The following PRDM5 variants were observed in gnomAD, a reference collection of about 807,000 sequenced individuals.
The protein encoded by PRDM5 is PR domain zinc finger protein 5.
In PRDM5, 56 loss-of-function variants were observed where a neutral mutation model predicts 81.2. That is an observed-to-expected ratio of 0.69 (90% confidence interval 0.56 to 0.86). The LOEUF is 0.86. Among genes scored for constraint, PRDM5 ranks in the 40% least tolerant of loss-of-function variants. The probability of loss-of-function intolerance (pLI) is 0.00; values close to 1 mark genes in which losing one functional copy is unlikely to be tolerated. For synonymous variants in PRDM5, 267 were observed against 256.4 expected (o/e 1.04, Z -0.39); for missense variants, 697 against 770.1 (o/e 0.91, Z 1.12).
intron 7 of PRDM5, 81 bp downstream of exon 7, chr4:120,816,372 C>T (rs938668231): frequency 2.5e-6 from 4 of 1,609,602 alleles, no homozygotes; most frequent in Non-Finnish European, 3.4e-6. Flanking sequence ...GCTCTCTCCT[C>T]AAGAGCGAGA....
intron 3 of PRDM5, chr4:120,839,332 A>G (rs567624265): frequency 7.1e-6 from 5 of 702,418 alleles, no homozygotes; most frequent in Non-Finnish European, 1.3e-5. Context: ...GATGAAGAGG[A>G]ACTTCATTGA....
intron 2 of PRDM5, among the ~76,000 whole-genome samples, chr4:120,887,108 G>A (rs986623358): frequency 6.6e-6 from 1 of 152,080 alleles, no homozygotes; most frequent in African/African-American, 2.4e-5. Context: ...ACCACGCCTG[G>A]CTAATTTTTG....
At chr4:120,753,666 A>C (rs1050911287) in intron 14 of PRDM5, among the ~76,000 whole-genome samples, 1 of 152,116 alleles carries the variant, frequency 6.6e-6, no homozygotes, top group Non-Finnish European at 1.5e-5. Context: ...TTTAAATTAG[A>C]ATTGTTCTAA....
At chr4:120,724,133 C>A (rs947631254) in intron 14 of PRDM5, among the ~76,000 whole-genome samples, 2 of 151,932 alleles carry the variant, frequency 1.3e-5, no homozygotes, top group African/African-American at 4.8e-5. Flanking sequence ...TTTAAGTGTT[C>A]CAAGCTCTAT....
At chr4:120,818,598 A>T in intron 4 of PRDM5, 71 bp from the exon 5 acceptor site, 1 of 1,321,146 alleles carries the variant, frequency 7.6e-7, no homozygotes, top group East Asian at 2.3e-5. Flanking sequence ...TTTTGCTCTC[A>T]TTTTAAATTA....
chr4:120,844,091 A>G (rs1200837831), intron 3 of PRDM5, among the ~76,000 whole-genome samples: 3 of 152,114 alleles, frequency 2.0e-5, no homozygotes, highest in Non-Finnish European at 4.4e-5. Flanking sequence ...GTCACTCCAC[A>G]CAGCAGGTTG....
chr4:120,695,764 C>A (rs1734452559), intron 15 of PRDM5, among the ~76,000 whole-genome samples: 1 of 152,076 alleles, frequency 6.6e-6, no homozygotes, highest in Admixed American at 6.6e-5. Flanking sequence ...CACATTCCCA[C>A]CTGGCTCAAC....
intron 13 of PRDM5, among the ~76,000 whole-genome samples, chr4:120,761,071 C>T (rs140699846): frequency 5.3e-5 from 8 of 152,292 alleles, no homozygotes; most frequent in African/African-American, 1.9e-4. Flanking sequence ...TCTTGTAGCT[C>T]TTCATCTCTG....
intron 14 of PRDM5, among the ~76,000 whole-genome samples, chr4:120,746,357 C>T (rs1196607721): frequency 6.8e-6 from 1 of 146,644 alleles, no homozygotes; most frequent in East Asian, 2.0e-4. Context: ...CATTACCATT[C>T]AGGACATAGG....
At chr4:120,697,668 CTATTTTTT>C (rs1560882710) in intron 15 of PRDM5, among the ~76,000 whole-genome samples, 46 of 42,872 alleles carry the variant, frequency 1.1e-3, no homozygotes, top group Middle Eastern at 0.026. Context: ...GCCCAGCTAA[CTATTTTTT>C]TTTTTTTTTT....
intron 8 of PRDM5, among the ~76,000 whole-genome samples, chr4:120,805,221 C>T (rs1460217467): frequency 2.0e-5 from 3 of 152,044 alleles, no homozygotes; most frequent in Admixed American, 6.5e-5. Context: ...AGCCTACCAA[C>T]CAAAAAAAGT....
At position 120,922,557 on chromosome 4, in the gene PRDM5, G is replaced by C. The variant is rs1333912400; in HGVS notation, c.52C>G (p.Gln18Glu). Residue 18 changes from glutamine to glutamate, a missense_variant, in exon 1 of 16, where the codon CAG becomes GAG. By Grantham distance (29) the Gln-to-Glu change is conservative (BLOSUM62 2). Transcript: ENST00000264808. ...GCCGTGTAGAGCCCCATGCCGTCCTGAACCCGGGAGGACTTCAGGGAGAAC... is the reference window on the plus strand; with the variant it reads ...GCCGTGTAGAGCCCCATGCCGTCCTCAACCCGGGAGGACTTCAGGGAGAAC... ...DRFSLKSSRV[Q>E]DGMGLYTARR... 6.2e-7 allele frequency: 1 copy of C among 1,611,016 alleles called. No homozygotes were observed. The highest frequency in any genetic ancestry group is 2.2e-5 in the East Asian group (1 of 44,762).
chr4:120,921,631 A>G (rs1368882448), intron 1 of PRDM5, among the ~76,000 whole-genome samples: 1 of 152,176 alleles, frequency 6.6e-6, no homozygotes, highest in East Asian at 1.9e-4. Context: ...TCCATCTTAC[A>G]AAATATCTAC....
At chr4:120,796,578 TAC>T (rs1245671369) in intron 10 of PRDM5, among the ~76,000 whole-genome samples, 3 of 152,202 alleles carry the variant, frequency 2.0e-5, no homozygotes, top group Non-Finnish European at 4.4e-5. Flanking sequence ...GATAATTTTT[TAC>T]AGTCACGTAA....
At chr4:120,906,085 C>A (rs941070734) in intron 2 of PRDM5, among the ~76,000 whole-genome samples, 1 of 152,078 alleles carries the variant, frequency 6.6e-6, no homozygotes, top group African/African-American at 2.4e-5. Context: ...AATCCTCCCA[C>A]CTCAACCTCC....
chr4:120,731,290 A>AG (rs1181385387), intron 14 of PRDM5, among the ~76,000 whole-genome samples: 2 of 151,994 alleles, frequency 1.3e-5, no homozygotes, highest in African/African-American at 2.4e-5. Context: ...AGCACAGAGA[A>AG]GGGGTCCCTC....
chr4:120,744,111 G>A (rs868411221), intron 14 of PRDM5, among the ~76,000 whole-genome samples: 3 of 152,036 alleles, frequency 2.0e-5, no homozygotes, highest in African/African-American at 7.3e-5. Context: ...AAACTAGAAC[G>A]CAGGATTAAG....
chr4:120,903,573 T>C (rs1765436849), intron 2 of PRDM5, among the ~76,000 whole-genome samples: 1 of 152,172 alleles, frequency 6.6e-6, no homozygotes, highest in Admixed American at 6.5e-5. Context: ...TCCCTTCCCC[T>C]GTCCAGCTGC....
At position 120,699,189 on chromosome 4, in the gene PRDM5, T is replaced by G. The variant is rs1305727999; in HGVS notation, c.1729-3914A>C. On this transcript the variant is annotated intron_variant, in intron 15 of 15. Coordinates refer to ENST00000264808, the MANE Select transcript of PRDM5 (RefSeq NM_018699.4). The stretch of plus-strand genomic sequence containing the variant: ...ATATATATATATATATATATATATA[T>G]ATATATATATATATATTTCAGATGT... 2.4e-5 allele frequency among the ~76,000 whole-genome samples: 3 copies of G among 122,726 alleles called. No individual in the cohort carries two copies. In the South Asian group the frequency reaches 7.6e-4, roughly 31 times the overall value. The allele number at this position is 122,726 out of a possible 152,430, so 80.5% of individuals were successfully genotyped here.
Sources: allele counts gnomAD v4.1 joint callset (sites outside exome capture counted in the v4.1 genomes callset), GRCh38; gene constraint gnomAD v4.1.1; transcripts MANE v1.5; gene names NCBI Gene and HGNC (gene_info 2026-07-23, HGNC 2026-07-21).